Variants in PCDHA5 observed in about 807,000 individuals in gnomAD.
PCDHA5 encodes protocadherin alpha-5.
Under a neutral mutation model 61.6 loss-of-function variants are expected in PCDHA5, and 43 were observed. That is an observed-to-expected ratio of 0.70 (90% confidence interval 0.55 to 0.90). PCDHA5 has a LOEUF of 0.90. PCDHA5 is among the 40% of genes least tolerant of loss of function. The pLI is 0.00. For missense variants in PCDHA5, 1,298 were observed against 1,222.7 expected, an observed-to-expected ratio of 1.06 and a Z score of -0.92; for synonymous variants, 627 against 543.9, an observed-to-expected ratio of 1.15 and a Z score of -2.13.
chr5:140,843,686 CA>C (rs2150365068), intron 1 of PCDHA5: 11 of 1,588,582 alleles, frequency 6.9e-6, no homozygotes, highest in Non-Finnish European at 2.6e-6. Context: ...AGGCGAAGAG[CA>C]AGATTTAAAT....
intron 1 of PCDHA5, chr5:140,829,910 C>T (rs2150177583): frequency 3.7e-6 from 6 of 1,613,984 alleles, no homozygotes; most frequent in South Asian, 3.3e-5. Flanking sequence ...CAACGCGTGG[C>T]TTTCGTATGA....
At chr5:140,835,626 C>A (rs782043218) in intron 1 of PCDHA5, 2 of 1,613,880 alleles carry the variant, frequency 1.2e-6, no homozygotes. Context: ...CGCTCTGGAC[C>A]GCGAGAGTGT....
intron 1 of PCDHA5, chr5:140,829,046 C>T (rs2150162112): frequency 6.2e-7 from 1 of 1,612,900 alleles, no homozygotes; most frequent in Non-Finnish European, 8.5e-7. Context: ...ATACAAAATC[C>T]TCATTGACGC....
In PCDHA5 at chr5:140,922,291, T is replaced by A. The variant is rs951080588; in HGVS notation, c.2353-56658T>A. ...AGATTGGACCAAGATATGAAAATGC[T>A]AGGAGAGGATACCTTTCACTGAAGA... On this transcript the variant is annotated intron_variant, in intron 1 of 3. Coordinates refer to ENST00000529859, the MANE Select transcript of PCDHA5 (RefSeq NM_018908.3). Among the ~76,000 whole-genome samples, 38 of 152,228 alleles carry A rather than the reference T, an allele frequency of 2.5e-4. 1 individual carries two copies. The highest frequency in any genetic ancestry group is 1.5e-5 in the Non-Finnish European group (1 of 68,048).
chr5:140,843,170 A>T (rs2150354279), intron 1 of PCDHA5: 2 of 1,596,072 alleles, frequency 1.3e-6, no homozygotes. Context: ...AGCTGCAAGC[A>T]GCCCTCGCAT....
Position 141,010,037 on chromosome 5 carries a change from C to A in PCDHA5, c.*100C>A. The A allele has an allele frequency of 1.3e-6, 2 of 1,582,242 alleles. No individual in the cohort carries two copies. The highest frequency in any genetic ancestry group is 1.2e-5 in the South Asian group (1 of 84,630). On this transcript the variant is annotated 3_prime_UTR_variant, in exon 4 of 4. Transcript: ENST00000529859. ...GCTCCTTTTTCCTATCTACATGAGC[C>A]CTCTTAGAGACCTCAGAAATCTGCA...
chr5:140,934,239 T>C (rs2089722399), intron 1 of PCDHA5, among the ~76,000 whole-genome samples: 1 of 152,146 alleles, frequency 6.6e-6, no homozygotes, highest in Non-Finnish European at 1.5e-5. Context: ...TACTTAATTG[T>C]GGAGATTTAT....
chr5:140,923,012 G>A (rs2081117924), intron 1 of PCDHA5, among the ~76,000 whole-genome samples: 1 of 152,206 alleles, frequency 6.6e-6, no homozygotes, highest in Non-Finnish European at 1.5e-5. Flanking sequence ...TTGTTGGACT[G>A]CAGTTTCGGA....
At chr5:140,966,874 A>C (rs782520756) in intron 1 of PCDHA5, 275 of 1,584,454 alleles carry the variant, frequency 1.7e-4, no homozygotes, top group Non-Finnish European at 2.3e-4. Flanking sequence ...TGCTGCTGCT[A>C]CCTGGCCCTG....
intron 1 of PCDHA5, chr5:140,828,048 A>C: frequency 6.5e-7 from 1 of 1,544,030 alleles, no homozygotes; most frequent in Non-Finnish European, 8.7e-7. Flanking sequence ...TTTTATCTTT[A>C]TGCGGAAGAT....
At chr5:140,835,950 T>C (rs2150248935) in intron 1 of PCDHA5, 44 of 1,612,684 alleles carry the variant, frequency 2.7e-5, no homozygotes, top group Middle Eastern at 3.6e-4. Context: ...GCTGCAGCCG[T>C]TGGACCACGA....
intron 1 of PCDHA5, chr5:140,865,831 C>T (rs1554159632): frequency 6.6e-6 from 1 of 152,124 alleles, no homozygotes. Context: ...GTAGAGCTTT[C>T]TTTAGTAAGT....
intron 1 of PCDHA5, chr5:140,864,231 T>C (rs949424981): frequency 6.6e-6 from 1 of 152,222 alleles, no homozygotes; most frequent in East Asian, 1.9e-4. Flanking sequence ...AAGCAAGTTC[T>C]TTATTCCTAT....
intron 3 of PCDHA5, among the ~76,000 whole-genome samples, chr5:141,003,440 T>G (rs1194575812): frequency 6.6e-6 from 1 of 152,100 alleles, no homozygotes; most frequent in Non-Finnish European, 1.5e-5. Flanking sequence ...GCCTCCCAAG[T>G]AGATGAAATT....
chr5:141,006,525 T>G (rs1366958955), intron 3 of PCDHA5, among the ~76,000 whole-genome samples: 1 of 152,108 alleles, frequency 6.6e-6, no homozygotes, highest in African/African-American at 2.4e-5. Context: ...TATACATCAG[T>G]TTTTAAAGAG....
At chr5:140,843,746 T>C (rs1554140400) in intron 1 of PCDHA5, 6 of 1,531,640 alleles carry the variant, frequency 3.9e-6, no homozygotes, top group Non-Finnish European at 5.4e-6. Context: ...AACTCATAAA[T>C]TCTATTTGTG....
At chr5:140,945,243 A>G (rs1554216829) in intron 1 of PCDHA5, among the ~76,000 whole-genome samples, 1 of 152,166 alleles carries the variant, frequency 6.6e-6, no homozygotes, top group Admixed American at 6.5e-5. Flanking sequence ...AATTTAACCA[A>G]GAGGATGAAA....
rs560404461 is a variant in PCDHA5, at chr5:140,857,491, G to T, written c.2352+33364G>T. The T allele has an allele frequency of 3.1e-5, 49 of 1,598,340 alleles. 2 individuals are homozygous for T. The highest frequency in any genetic ancestry group is 2.8e-4 in the South Asian group (25 of 90,546). On this transcript the variant is annotated intron_variant, in intron 1 of 3. Transcript: ENST00000529859. Reference sequence around the variant, plus strand: ...TCTTCACGGTGTCTGCGTGGGACGCGGACGCGCAGGAGAACGCCCTGGTGT... The same window carrying T: ...TCTTCACGGTGTCTGCGTGGGACGCTGACGCGCAGGAGAACGCCCTGGTGT...
intron 1 of PCDHA5, among the ~76,000 whole-genome samples, chr5:140,963,141 A>T (rs2095739692): frequency 6.6e-6 from 1 of 152,148 alleles, no homozygotes; most frequent in Non-Finnish European, 1.5e-5. Flanking sequence ...AATTATTTGG[A>T]TGAATTTAAA....
Sources: allele counts gnomAD v4.1 joint callset (sites outside exome capture counted in the v4.1 genomes callset), GRCh38; gene constraint gnomAD v4.1.1; transcripts MANE v1.5; gene names NCBI Gene and HGNC (gene_info 2026-07-23, HGNC 2026-07-21).